The following ATP10B variants were observed in gnomAD, a reference collection of about 807,000 sequenced individuals.
The protein encoded by ATP10B is phospholipid-transporting ATPase VB.
ATP10B carries 122 observed loss-of-function variants against 141.2 expected under a neutral mutation model. The ratio of observed to expected loss-of-function variants is 0.86; its 90% confidence interval spans 0.75 to 1.00. The LOEUF is 1.00. Ranked by LOEUF, ATP10B falls within the 50% of genes least tolerant of loss-of-function variation. ATP10B has a pLI of 0.00. For missense variants in ATP10B, 1,876 were observed against 1,825.3 expected (o/e 1.03, Z -0.51); for synonymous variants, 685 against 692.0 (o/e 0.99, Z 0.16).
chr5:160,874,023 G>A, the ATP10B span, among the ~76,000 whole-genome samples: 1 of 152,218 alleles, frequency 6.6e-6, no homozygotes, highest in African/African-American at 2.4e-5. Context: ...CGAACTGGGT[G>A]GAGCCCACCA....
chr5:160,772,082 C>A (rs543818636), intron 2 of ATP10B, among the ~76,000 whole-genome samples: 1 of 152,214 alleles, frequency 6.6e-6, no homozygotes, highest in Non-Finnish European at 1.5e-5. Flanking sequence ...CTGCAGTGAA[C>A]GTGAGAGCAG....
chr5:160,651,022 G>A (rs1308236743), intron 7 of ATP10B, among the ~76,000 whole-genome samples: 1 of 152,110 alleles, frequency 6.6e-6, no homozygotes, highest in Admixed American at 6.6e-5. Context: ...GAAAATAGTA[G>A]CTAATAGAGC....
intron 1 of ATP10B, among the ~76,000 whole-genome samples, chr5:160,797,517 C>T (rs1482165396): frequency 2.0e-5 from 3 of 152,150 alleles, no homozygotes; most frequent in African/African-American, 7.2e-5. Flanking sequence ...AGTCTAAGTA[C>T]TTTGAAAGTA....
At chr5:160,691,611 A>G (rs1764081464) in intron 3 of ATP10B, 1 of 152,222 alleles carries the variant, frequency 6.6e-6, no homozygotes, top group African/African-American at 2.4e-5. Flanking sequence ...CTTACAATTA[A>G]TTACCCAGCT....
intron 1 of ATP10B, among the ~76,000 whole-genome samples, chr5:160,832,391 G>T (rs1775150440): frequency 6.6e-6 from 1 of 152,034 alleles, no homozygotes; most frequent in African/African-American, 2.4e-5. Flanking sequence ...AAAGAATAAG[G>T]TAGTTTTATA....
At chr5:160,886,047 A>G in the ATP10B span, among the ~76,000 whole-genome samples, 1 of 152,204 alleles carries the variant, frequency 6.6e-6, no homozygotes, top group Non-Finnish European at 1.5e-5. Flanking sequence ...CCGAAGAATC[A>G]GATTCTTTTC....
the ATP10B span, among the ~76,000 whole-genome samples, chr5:160,891,624 G>C: frequency 6.6e-6 from 1 of 152,124 alleles, no homozygotes; most frequent in Non-Finnish European, 1.5e-5. Flanking sequence ...TTTAAGTAGA[G>C]ATGGGGTTTC....
chr5:160,818,105 T>C (rs992573083), intron 1 of ATP10B, among the ~76,000 whole-genome samples: 153 of 152,252 alleles, frequency 1.0e-3, no homozygotes, highest in Admixed American at 1.8e-3. Flanking sequence ...ACTTCATGTC[T>C]AAAACACCAA....
At chr5:160,682,795 T>G (rs552822003) in intron 6 of ATP10B, among the ~76,000 whole-genome samples, 1 of 152,060 alleles carries the variant, frequency 6.6e-6, no homozygotes, top group Non-Finnish European at 1.5e-5. Context: ...ATCCCAGCAC[T>G]TTGGGAGGCC....
intron 7 of ATP10B, among the ~76,000 whole-genome samples, chr5:160,652,345 G>T (rs1462945739): frequency 6.6e-6 from 1 of 151,944 alleles, no homozygotes; most frequent in Non-Finnish European, 1.5e-5. Context: ...TTGCTTTTAA[G>T]AATTTGCTGT....
At chr5:160,725,635 C>T (rs1372733196) in intron 2 of ATP10B, among the ~76,000 whole-genome samples, 2 of 152,038 alleles carry the variant, frequency 1.3e-5, no homozygotes, top group South Asian at 2.1e-4. Flanking sequence ...TTAGTAGAGA[C>T]GGGGTTTCAC....
rs1255836926 is a variant in ATP10B, at chr5:160,574,320, G to A, written c.3751-4637C>T. On this transcript the variant is annotated intron_variant, in intron 24 of 25. Transcript: ENST00000327245. ...TTGGTGGTGTGTGTGTATAATCCCAGCTGCTTGGGAGGGTGAGGCAGGAGA... is the reference window on the plus strand; with the variant it reads ...TTGGTGGTGTGTGTGTATAATCCCAACTGCTTGGGAGGGTGAGGCAGGAGA... Among the ~76,000 whole-genome samples the A allele has an allele frequency of 2.0e-5, 3 of 152,136 alleles. No homozygotes were observed. The East Asian group carries it at 5.8e-4, about 29-fold the overall frequency.
intron 2 of ATP10B, among the ~76,000 whole-genome samples, chr5:160,763,038 T>G (rs1482420790): frequency 6.6e-6 from 1 of 150,614 alleles, no homozygotes; most frequent in Non-Finnish European, 1.5e-5. Flanking sequence ...TATATGCACC[T>G]AATACTGGAG....
intron 1 of ATP10B, among the ~76,000 whole-genome samples, chr5:160,832,143 G>C (rs533026726): frequency 6.6e-6 from 1 of 152,164 alleles, no homozygotes; most frequent in Non-Finnish European, 1.5e-5. Context: ...AGAGCAGTAT[G>C]AGATCACATT....
At chr5:160,867,395 T>C in the ATP10B span, among the ~76,000 whole-genome samples, 38 of 152,198 alleles carry the variant, frequency 2.5e-4, no homozygotes, top group African/African-American at 9.1e-4. Context: ...CTATACTAAA[T>C]ATATAATAAA....
intron 7 of ATP10B, among the ~76,000 whole-genome samples, chr5:160,650,118 TTATA>T (rs147437606): frequency 6.9e-6 from 1 of 145,972 alleles, no homozygotes; most frequent in South Asian, 2.1e-4. Flanking sequence ...AAAAAAAATT[TTATA>T]TATATATATA....
At chr5:160,705,470 C>A (rs958024503) in intron 3 of ATP10B, among the ~76,000 whole-genome samples, 3 of 152,136 alleles carry the variant, frequency 2.0e-5, no homozygotes, top group Admixed American at 1.3e-4. Flanking sequence ...CTAAAGCAAT[C>A]TGCCCACCTT....
In ATP10B at chr5:160,594,243, T is replaced by C. The variant is rs1428365680; in HGVS notation, c.3565-3104A>G. ...AGTGGGGGCCAATATTCAACATTCTTAAAGAAAAGAATTTTCAACTCAGAA... is the reference window on the plus strand; with the variant it reads ...AGTGGGGGCCAATATTCAACATTCTCAAAGAAAAGAATTTTCAACTCAGAA... On this transcript the variant is annotated intron_variant, in intron 22 of 25. Transcript: ENST00000327245. Among the ~76,000 whole-genome samples the C allele has an allele frequency of 3.9e-5, 6 of 152,274 alleles. No individual in the cohort carries two copies. In the South Asian group the frequency reaches 1.2e-3, roughly 32 times the overall value.
chr5:160,812,161 C>A lies in ATP10B; in HGVS notation c.-575-26358G>T, dbSNP rs575482317. ...AATTCTTCCAGGTCTTATTCAAGAC[C>A]ATCAACGTGGTACCTCTACAAGTCT... On this transcript the variant is annotated intron_variant, in intron 1 of 25. Coordinates refer to ENST00000327245, the MANE Select transcript of ATP10B (RefSeq NM_025153.3). 8.2e-4 allele frequency among the ~76,000 whole-genome samples: 125 copies of A among 152,054 alleles called. 3 individuals are homozygous for A. The South Asian group carries it at 0.025, about 30-fold the overall frequency.
Sources: gnomAD v4.1 joint callset for allele counts (sites outside exome capture counted in the v4.1 genomes callset) on GRCh38, gnomAD v4.1.1 for gene constraint, MANE v1.5 for transcripts, NCBI Gene and HGNC (gene_info 2026-07-23, HGNC 2026-07-21) for gene names.